Variants in SPAG17 observed in about 807,000 individuals in gnomAD.
SPAG17 encodes the protein sperm-associated antigen 17.
Under a neutral mutation model 273.6 loss-of-function variants are expected in SPAG17, and 169 were observed. The observed-to-expected ratio is 0.62, with a 90% CI of 0.55 to 0.70. SPAG17 has a LOEUF of 0.70. SPAG17 is among the 30% of genes least tolerant of loss of function. SPAG17 has a pLI of 0.00. For synonymous variants in SPAG17, 825 were observed against 873.2 expected, an observed-to-expected ratio of 0.94 and a Z score of 0.97; for missense variants, 2,557 against 2,627.8, an observed-to-expected ratio of 0.97 and a Z score of 0.59.
At chr1:118,139,800 G>A (rs1658569526) in intron 3 of SPAG17, among the ~76,000 whole-genome samples, 1 of 151,810 alleles carries the variant, frequency 6.6e-6, no homozygotes, top group Non-Finnish European at 1.5e-5. Flanking sequence ...GGGGGTGGGG[G>A]GAATGGAAAG....
chr1:118,095,940 G>A (rs1655677708), intron 7 of SPAG17, among the ~76,000 whole-genome samples: 1 of 152,030 alleles, frequency 6.6e-6, no homozygotes, highest in African/African-American at 2.4e-5. Context: ...GGTGGGGAGG[G>A]GCAAGGACAA....
chr1:117,978,494 TATC>T (rs1473180685), intron 43 of SPAG17, among the ~76,000 whole-genome samples: 3 of 152,222 alleles, frequency 2.0e-5, no homozygotes, highest in African/African-American at 7.2e-5. Context: ...GGCATGGAAT[TATC>T]ATCATTTGCA....
chr1:118,063,155 C>G (rs1165310151), intron 18 of SPAG17, among the ~76,000 whole-genome samples: 3 of 152,164 alleles, frequency 2.0e-5, no homozygotes, highest in African/African-American at 7.2e-5. Flanking sequence ...AATGGCCATA[C>G]TGCCCAAGGT....
In SPAG17 at chr1:117,987,745, T is replaced by A. The variant is rs945765417; in HGVS notation, c.5669+89A>T. ...AGAAGAGAATCAAATAACATCTGGG[T>A]GCCTGGCAGGACATTTTGGCCTATC... is the stretch of plus-strand genomic sequence containing the variant. On this transcript the variant is annotated intron_variant, in intron 40 of 48. Coordinates refer to ENST00000336338, the MANE Select transcript of SPAG17 (RefSeq NM_206996.4). 3.1e-6 allele frequency: 4 copies of A among 1,287,394 alleles called. No individual in the cohort carries two copies. The Admixed American group carries it at 5.6e-5, about 18-fold the overall frequency. The allele number at this position is 1,287,394 out of a possible 1,614,324, so 79.7% of individuals were successfully genotyped here. A position where few individuals can be genotyped will look rare whatever the true frequency, so the allele number is the denominator to read the frequency against.
At chr1:118,081,707 G>T in intron 13 of SPAG17, 65 bp from the exon 14 acceptor site, 1 of 1,348,682 alleles carries the variant, frequency 7.4e-7, no homozygotes, top group Non-Finnish European at 1.1e-6. Flanking sequence ...AGGGTTGACA[G>T]AGGGATAACC....
Position 118,092,011 on chromosome 1 carries a change from A to G in SPAG17, c.1174-9T>C. 6.2e-7 allele frequency: 1 copy of G among 1,612,902 alleles called. No homozygotes were observed. The highest frequency in any genetic ancestry group is 1.7e-4 in the Middle Eastern group (1 of 6,052). On this transcript the variant is annotated splice_polypyrimidine_tract_variant and intron_variant, in intron 8 of 48. Coordinates refer to ENST00000336338, the MANE Select transcript of SPAG17 (RefSeq NM_206996.4). ...ACAGCAGGTTGTGGAGCCTAGAAAA[A>G]GAATAATTAAAAAGAAACAACTGAG...
Position 118,070,073 on chromosome 1 carries a change from T to C in SPAG17, c.2386-3174A>G, listed in dbSNP as rs144565064. ...CAGAGAAAAGATTGAACATTTGCACTCTCTAACGCCTCATTAAAAGAACAG... is the reference window on the plus strand; with the variant it reads ...CAGAGAAAAGATTGAACATTTGCACCCTCTAACGCCTCATTAAAAGAACAG... On this transcript the variant is annotated intron_variant, in intron 17 of 48. Coordinates refer to ENST00000336338, the MANE Select transcript of SPAG17 (RefSeq NM_206996.4). 2.4e-3 allele frequency among the ~76,000 whole-genome samples: 365 copies of C among 151,636 alleles called. 2 individuals carry two copies. Among genetic ancestry groups the C allele is most frequent in the African/African-American group, 7.7e-3 (321 of 41,508 alleles).
In SPAG17 at chr1:118,093,080, A is replaced by C. The variant is rs111998143; in HGVS notation, c.1173+76T>G. 34 of 1,459,636 alleles carry C rather than the reference A, an allele frequency of 2.3e-5. No individual in the cohort carries two copies. The African/African-American group carries it at 2.7e-4, about 12-fold the overall frequency. The allele number at this position is 1,459,636 out of a possible 1,614,324, so 90.4% of individuals were successfully genotyped here. A position where few individuals can be genotyped will look rare whatever the true frequency, so the allele number is the denominator to read the frequency against. On this transcript the variant is annotated intron_variant, in intron 8 of 48. Coordinates refer to ENST00000336338, the MANE Select transcript of SPAG17 (RefSeq NM_206996.4). ...TAAGTATTTATGTAACTTTTTCTTC[A>C]TATGCCTTATAAATATGAAAATAAA...
chr1:117,984,841 T>G, intron 40 of SPAG17, 59 bp from the exon 41 acceptor site: 1 of 1,113,546 alleles, frequency 9.0e-7, no homozygotes, highest in Non-Finnish European at 1.4e-6. Context: ...AAGTGTTGTT[T>G]GTTTGTGCTT....
At chr1:117,994,227 A>G (rs1657412748) in intron 35 of SPAG17, among the ~76,000 whole-genome samples, 179 bp downstream of exon 35, 1 of 152,196 alleles carries the variant, frequency 6.6e-6, no homozygotes, top group Non-Finnish European at 1.5e-5. Flanking sequence ...TTCCTCTGAA[A>G]TGTTGTTGCC....
At chr1:117,968,541 G>T (rs12024256) in intron 46 of SPAG17, among the ~76,000 whole-genome samples, 1 of 152,156 alleles carries the variant, frequency 6.6e-6, no homozygotes, top group Non-Finnish European at 1.5e-5. Flanking sequence ...TGGAGTTTCA[G>T]CCTGTATAAT....
intron 1 of SPAG17, among the ~76,000 whole-genome samples, chr1:118,184,354 A>T (rs758748341): frequency 6.6e-6 from 1 of 152,098 alleles, no homozygotes; most frequent in Non-Finnish European, 1.5e-5. Flanking sequence ...AGGTGACAAG[A>T]GCTATTGGGC....
chr1:118,040,877 T>C (rs1350867001), intron 21 of SPAG17, 36 bp from the exon 22 acceptor site: 1 of 1,357,290 alleles, frequency 7.4e-7, no homozygotes, highest in South Asian at 1.2e-5. Flanking sequence ...AGTGTGAAGC[T>C]GCAATAGACA....
Position 118,055,854 on chromosome 1 carries a change from T to A in SPAG17, c.2601A>T (p.Ile867=), listed in dbSNP as rs745680018. The change falls in exon 19 of 49, where the codon ATA becomes ATT. Residue 867 remains isoleucine, a synonymous_variant. Coordinates refer to ENST00000336338, the MANE Select transcript of SPAG17 (RefSeq NM_206996.4). ...TCTCATTCATTTTAGATTCCTGATATATAGCTTCTTCTTTTGTAATCCAAT... is the reference window on the plus strand; with the variant it reads ...TCTCATTCATTTTAGATTCCTGATAAATAGCTTCTTCTTTTGTAATCCAAT... The part of the protein sequence containing the change: ...IQDWITKEEA[I]YQESKMNEKI... The A allele has an allele frequency of 1.2e-6, 2 of 1,612,494 alleles. No homozygotes were observed. Among genetic ancestry groups the A allele is most frequent in the African/African-American group, 1.3e-5 (1 of 74,884 alleles).
intron 13 of SPAG17, among the ~76,000 whole-genome samples, 159 bp from the exon 14 acceptor site, chr1:118,081,801 C>T (rs969491115): frequency 6.6e-6 from 1 of 152,048 alleles, no homozygotes; most frequent in African/African-American, 2.4e-5. Context: ...CCCAGTCTGC[C>T]GCAAATATCA....
Position 118,093,286 on chromosome 1 carries a change from A to C in SPAG17, c.1043T>G (p.Ile348Ser). The change falls in exon 8 of 49, where the codon ATT becomes AGT. Residue 348 changes from isoleucine to serine, a missense_variant. Ile to Ser is a moderately radical substitution (Grantham distance 142, BLOSUM62 -2). Transcript: ENST00000336338. ...CAGGATGTCATACATCAAGCAGGCAATATTTTCAAAAATATCAGTGCCCAA... is the reference window on the plus strand; with the variant it reads ...CAGGATGTCATACATCAAGCAGGCACTATTTTCAAAAATATCAGTGCCCAA... Reference protein sequence around the residue: ...LKLGTDIFENIACLMYDILDW... With the variant: ...LKLGTDIFENSACLMYDILDW... 1.2e-6 allele frequency: 2 copies of C among 1,611,994 alleles called. No individual in the cohort carries two copies. Among genetic ancestry groups the C allele is most frequent in the Non-Finnish European group, 1.7e-6 (2 of 1,179,030 alleles).
At chr1:118,055,936 G>T in intron 18 of SPAG17, 22 bp from the exon 19 acceptor site, 1 of 1,573,076 alleles carries the variant, frequency 6.4e-7, no homozygotes. Flanking sequence ...AATAGCAGAC[G>T]TCAATTGAGT....
rs1659090730 is a variant in SPAG17, at chr1:118,008,112, C to A, written c.4519G>T (p.Asp1507Tyr). The A allele has an allele frequency of 6.2e-7, 1 of 1,613,976 alleles. No individual in the cohort carries two copies. The highest frequency in any genetic ancestry group is 1.3e-5 in the African/African-American group (1 of 74,938). Reference protein sequence around the residue: ...RYATVIANCEDSSCCATFGDG... With the variant: ...RYATVIANCEYSSCCATFGDG... The stretch of plus-strand genomic sequence containing the variant: ...CCAAAGGTGGCACAGCAGCTACTGT[C>A]CTCACAGTTGGCGATAACAGTGGCA... Residue 1507 changes from aspartate (D) to tyrosine (Y), a missense_variant, in exon 31 of 49, where the codon GAC becomes TAC. Transcript: ENST00000336338.
chr1:118,168,060 G>A (rs1414851585), intron 1 of SPAG17, among the ~76,000 whole-genome samples: 1 of 152,158 alleles, frequency 6.6e-6, no homozygotes, highest in Non-Finnish European at 1.5e-5. Flanking sequence ...CTACCTTTAA[G>A]CCTGCAGAAC....
Sources: allele counts gnomAD v4.1 joint callset (sites outside exome capture counted in the v4.1 genomes callset), GRCh38; gene constraint gnomAD v4.1.1; transcripts MANE v1.5; gene names NCBI Gene and HGNC (gene_info 2026-07-23, HGNC 2026-07-21).